GNRH1: variants seen among roughly 807,000 people sequenced by gnomAD.
GNRH1 encodes the protein gonadotropin releasing hormone 1.
GNRH1 carries 9 observed loss-of-function variants against 13.6 expected under a neutral mutation model. That is an observed-to-expected ratio of 0.66 (90% CI 0.40 to 1.15). The LOEUF (loss-of-function observed/expected upper bound fraction) is 1.15. Among genes scored for constraint, GNRH1 ranks in the 50% most tolerant of loss-of-function variants. GNRH1 has a pLI of 0.01. For missense variants in GNRH1, 116 were observed against 110.8 expected, an observed-to-expected ratio of 1.05 and a Z score of -0.21; for synonymous variants, 44 against 40.1, an observed-to-expected ratio of 1.10 and a Z score of -0.37.
intron 2 of GNRH1, among the ~76,000 whole-genome samples, chr8:25,422,645 C>T (rs1801788271): frequency 6.6e-6 from 1 of 152,172 alleles, no homozygotes; most frequent in African/African-American, 2.4e-5. Flanking sequence ...AGCATGTTTT[C>T]TACTACGTTA....
intron 3 of GNRH1, among the ~76,000 whole-genome samples, chr8:25,419,798 T>A (rs1209143945): frequency 6.6e-6 from 1 of 152,160 alleles, no homozygotes; most frequent in Non-Finnish European, 1.5e-5. Flanking sequence ...ATTTTTATAG[T>A]TTTAGTAGAG....
chr8:25,422,534 C>G (rs969338102), intron 2 of GNRH1, among the ~76,000 whole-genome samples: 8 of 152,106 alleles, frequency 5.3e-5, no homozygotes, highest in Admixed American at 2.0e-4. Flanking sequence ...GATAACACAG[C>G]GAGACCCTGT....
upstream of GNRH1, chr8:25,424,432 CT>C (rs1801816878): frequency 6.6e-6 from 1 of 151,872 alleles, no homozygotes; most frequent in Non-Finnish European, 1.5e-5. Context: ...GGAACACCCC[CT>C]GGTATATCTG....
chr8:25,420,275 G>A (rs928241582), intron 3 of GNRH1, among the ~76,000 whole-genome samples: 1 of 151,946 alleles, frequency 6.6e-6, no homozygotes, highest in Non-Finnish European at 1.5e-5. Context: ...TTAGTCCAGT[G>A]TGGTGGCTCA....
rs1442224687 is a variant in GNRH1 at position 25,423,286 on chromosome 8, A to G, written c.45T>C (p.Thr15=). Residue 15 remains threonine (T), a synonymous_variant, in exon 2 of 4, where the codon ACT becomes ACC. Transcript: ENST00000421054. The stretch of plus-strand genomic sequence containing the variant: ...GGCTGGAGCAGCCTTCCACGCACCA[A>G]GTCAGTAGAATAAGGCCAGCTAGGA... ...QKLLAGLILL[T]WCVEGCSSQH... is the part of the protein sequence containing the mutation. 2 of 1,611,812 alleles carry G rather than the reference A, an allele frequency of 1.2e-6. No homozygotes were observed.
At chr8:25,424,740 A>C (rs964107716), upstream of GNRH1, 18 of 152,218 alleles carry the variant, frequency 1.2e-4, no homozygotes, top group African/African-American at 4.1e-4. Flanking sequence ...CTAGATGATC[A>C]CAGAGTTGCT....
chr8:25,420,917 C>T (rs186942208), intron 3 of GNRH1, among the ~76,000 whole-genome samples: 28 of 152,172 alleles, frequency 1.8e-4, no homozygotes, highest in Non-Finnish European at 7.4e-5. Flanking sequence ...TTAAAAGATT[C>T]AATTTATACA....
At position 25,419,398 on chromosome 8, in the gene GNRH1, A is replaced by C; in HGVS notation, c.*21T>G. 3.1e-6 allele frequency: 4 copies of C among 1,287,384 alleles called. No homozygotes were observed. The highest frequency in any genetic ancestry group is 4.5e-6 in the Non-Finnish European group (4 of 881,732). The allele number at this position is 1,287,384 out of a possible 1,614,324, so 79.7% of individuals were successfully genotyped here. A position where few individuals can be genotyped will look rare whatever the true frequency, so the allele number is the denominator to read the frequency against. Reference sequence around the variant, plus strand: ...TACTTAAGTCATGTTAGTAATGGTCATTCCTTCTGGCCCAATGGATTTAAA... The same window carrying C: ...TACTTAAGTCATGTTAGTAATGGTCCTTCCTTCTGGCCCAATGGATTTAAA... On this transcript the variant is annotated 3_prime_UTR_variant, in exon 4 of 4. Coordinates refer to ENST00000421054, the MANE Select transcript of GNRH1 (RefSeq NM_001083111.2).
At position 25,419,359 on chromosome 8, in the gene GNRH1, C is replaced by T. The variant is rs1240441711; in HGVS notation, c.*60G>A. 2.2e-6 allele frequency: 2 copies of T among 904,354 alleles called. No individual in the cohort carries two copies. The highest frequency in any genetic ancestry group is 3.8e-6 in the Non-Finnish European group (2 of 531,740). 56.0% of individuals were successfully genotyped at this position (904,354 alleles called of 1,614,324 possible). A position where few individuals can be genotyped will look rare whatever the true frequency, so the allele number is the denominator to read the frequency against. On this transcript the variant is annotated 3_prime_UTR_variant, in exon 4 of 4. Transcript: ENST00000421054. ...AGGTATTTAATGGGTTATAAATTTT[C>T]AATGTCAGAATTATACTTAAGTCAT...
rs577363506 is a variant in GNRH1 at position 25,421,615 on chromosome 8, C to T, written c.195G>A (p.Thr65=). The T allele has an allele frequency of 6.9e-6, 11 of 1,605,710 alleles. No individual in the cohort carries two copies. The highest frequency in any genetic ancestry group is 2.2e-5 in the East Asian group (1 of 44,844). ...CTCGGAGGGGAGAACGTGGCTGGTG[C>T]GTGGTGCATTCGAAGCGTTGGGTTT... is the stretch of plus-strand genomic sequence containing the variant. ...LAETQRFECT[T]HQPRSPLRDL... The change falls in exon 3 of 4, where the codon ACG becomes ACA. Residue 65 remains threonine (T), a synonymous_variant. Coordinates refer to ENST00000421054, the MANE Select transcript of GNRH1 (RefSeq NM_001083111.2).
Position 25,423,203 on chromosome 8 carries a change from T to G in GNRH1, c.128A>C (p.Asp43Ala). 1 of 1,611,328 alleles carries G rather than the reference T, an allele frequency of 6.2e-7. No homozygotes were observed. Among genetic ancestry groups the G allele is most frequent in the Non-Finnish European group, 8.5e-7 (1 of 1,177,452 alleles). Residue 43 changes from aspartate to alanine, a missense_variant, in exon 2 of 4, where the codon GAT becomes GCT. Transcript: ENST00000421054. Reference protein sequence around the residue: ...GGKRDAENLIDSFQEIVKEVG... With the variant: ...GGKRDAENLIASFQEIVKEVG... ...AGAGAAACTTACCTCTTGGAAAGAA[T>G]CAATCAAATTTTCGGCATCTCTCTT...
At chr8:25,423,031 AAGT>A (rs960248950) in intron 2 of GNRH1, among the ~76,000 whole-genome samples, 156 bp downstream of exon 2, 2 of 152,182 alleles carry the variant, frequency 1.3e-5, no homozygotes, top group African/African-American at 4.8e-5. Flanking sequence ...TGTGAACTGA[AAGT>A]AGGAATGGGA....
At chr8:25,420,495 T>C (rs1308858357) in intron 3 of GNRH1, among the ~76,000 whole-genome samples, 4 of 152,218 alleles carry the variant, frequency 2.6e-5, no homozygotes, top group African/African-American at 9.6e-5. Context: ...TTTTTATATA[T>C]GATTTATTTG....
chr8:25,421,613 TGCGTGGTGCATTCGAA>T lies in GNRH1; in HGVS notation c.181_196del (p.Phe61ThrfsTer10). On this transcript the variant is annotated frameshift_variant, in exon 3 of 4. Transcript: ENST00000421054. LOFTEE classifies it high-confidence loss of function. ...GTCTCGGAGGGGAGAACGTGGCTGG[TGCGTGGTGCATTCGAA>T]GCGTTGGGTTTCTGCCAGTTGACCA... The T allele has an allele frequency of 6.2e-7, 1 of 1,606,662 alleles. No homozygotes were observed.
At position 25,423,264 on chromosome 8, in the gene GNRH1, TG is replaced by T. The variant is rs1489649008; in HGVS notation, c.66del (p.Ser23AlafsTer19). 2.5e-6 allele frequency: 4 copies of T among 1,611,766 alleles called. No individual in the cohort carries two copies. The highest frequency in any genetic ancestry group is 3.4e-6 in the Non-Finnish European group (4 of 1,177,916). ...CGCAGTCCATAGGACCAGTGCTGGC[TG>T]GAGCAGCCTTCCACGCACCAAGTCA... ...ILLTWCVEGCSSQHWSYGLRP... is the reference protein window; with the variant it reads ...ILLTWCVEGCXSQHWSYGLRP... On this transcript the variant is annotated frameshift_variant, in exon 2 of 4. Transcript: ENST00000421054. LOFTEE classifies it high-confidence loss of function.
At chr8:25,420,814 G>A (rs1586413002) in intron 3 of GNRH1, among the ~76,000 whole-genome samples, 2 of 152,268 alleles carry the variant, frequency 1.3e-5, no homozygotes, top group East Asian at 3.9e-4. Flanking sequence ...AATTGCTTGA[G>A]CCTGGGAGGT....
Position 25,421,553 on chromosome 8 carries a change from T to C in GNRH1, c.237+20A>G. The C allele has an allele frequency of 7.9e-7, 1 of 1,259,130 alleles. No homozygotes were observed. The highest frequency in any genetic ancestry group is 1.2e-6 in the Non-Finnish European group (1 of 858,210). The allele number at this position is 1,259,130 out of a possible 1,614,324, so 78.0% of individuals were successfully genotyped here. On this transcript the variant is annotated intron_variant, in intron 3 of 3. Transcript: ENST00000421054. ...TCTAGAGCTCTATGCTGTGATCATG[T>C]TATGATCACTTTAACTTACCAGAGC...
At chr8:25,423,774 C>A (rs2117370492) in intron 1 of GNRH1, 1 of 220,164 alleles carries the variant, frequency 4.5e-6, no homozygotes, top group South Asian at 6.5e-5. Flanking sequence ...AATTGCTTGA[C>A]ATTACATGGC....
intron 3 of GNRH1, among the ~76,000 whole-genome samples, chr8:25,421,016 C>T (rs1034104172): frequency 6.6e-6 from 1 of 151,894 alleles, no homozygotes; most frequent in African/African-American, 2.4e-5. Flanking sequence ...TGATTATTGT[C>T]CTATCAGGAA....
Sources: gnomAD v4.1 joint callset for allele counts (sites outside exome capture counted in the v4.1 genomes callset) on GRCh38, gnomAD v4.1.1 for gene constraint, MANE v1.5 for transcripts, NCBI Gene and HGNC (gene_info 2026-07-23, HGNC 2026-07-21) for gene names.